Variants in EDEM3 observed in about 807,000 individuals in gnomAD.
EDEM3 encodes ER degradation-enhancing alpha-mannosidase-like protein 3.
In EDEM3, 60 loss-of-function variants were observed where a neutral mutation model predicts 110.2. The observed-to-expected ratio is 0.54, with a 90% CI of 0.44 to 0.67. The LOEUF (loss-of-function observed/expected upper bound fraction) is 0.67, where lower values mean the gene tolerates loss of function less well. Among genes scored for constraint, EDEM3 ranks in the 30% least tolerant of loss-of-function variants. The probability of loss-of-function intolerance (pLI) is 0.00; values close to 1 mark genes in which losing one functional copy is unlikely to be tolerated. For missense variants in EDEM3, 996 were observed against 1,121.0 expected (o/e 0.89, Z 1.59); for synonymous variants, 352 against 382.9 (o/e 0.92, Z 0.94).
chr1:184,737,456 G>A (rs1424850533), intron 3 of EDEM3, among the ~76,000 whole-genome samples, 155 bp downstream of exon 3: 1 of 152,150 alleles, frequency 6.6e-6, no homozygotes, highest in Non-Finnish European at 1.5e-5. Flanking sequence ...TTTTATAAAT[G>A]ATAACAGAAG....
At chr1:184,706,329 G>A (rs979062183) in intron 18 of EDEM3, among the ~76,000 whole-genome samples, 32 of 152,042 alleles carry the variant, frequency 2.1e-4, no homozygotes, top group Non-Finnish European at 2.9e-5. Context: ...CTTGCCCTTC[G>A]GGGGTTATGG....
chr1:184,726,756 G>A (rs1048712833), intron 6 of EDEM3, among the ~76,000 whole-genome samples: 6 of 152,096 alleles, frequency 3.9e-5, no homozygotes, highest in African/African-American at 1.4e-4. Flanking sequence ...ACAAGAATAG[G>A]GAAGTAGACC....
chr1:184,693,172 C>T lies in EDEM3; in HGVS notation c.*891G>A, dbSNP rs894879699. 1.9e-5 allele frequency: 3 copies of T among 155,002 alleles called. No individual in the cohort carries two copies. The highest frequency in any genetic ancestry group is 4.8e-5 in the African/African-American group (2 of 41,482). The allele number at this position is 155,002 out of a possible 1,614,324, so 9.6% of individuals were successfully genotyped here. A position where few individuals can be genotyped will look rare whatever the true frequency, so the allele number is the denominator to read the frequency against. The stretch of plus-strand genomic sequence containing the variant: ...TAAGGCTGATGGCTAGAGGTAATCA[C>T]CTCTAAGAGAAATGAACTGGAAATG... On this transcript the variant is annotated 3_prime_UTR_variant, in exon 20 of 20. Transcript: ENST00000318130.
chr1:184,696,440 T>C (rs1649333425), intron 19 of EDEM3, among the ~76,000 whole-genome samples: 1 of 151,928 alleles, frequency 6.6e-6, no homozygotes, highest in South Asian at 2.1e-4. Flanking sequence ...GTTTTTGTTT[T>C]TTTTTAACCC....
At chr1:184,697,999 A>G (rs1649417950) in intron 19 of EDEM3, among the ~76,000 whole-genome samples, 1 of 145,238 alleles carries the variant, frequency 6.9e-6, no homozygotes, top group Non-Finnish European at 1.5e-5. Flanking sequence ...GCGCACACAC[A>G]CAAACAGAGA....
chr1:184,718,901 G>T (rs900294765), intron 11 of EDEM3, among the ~76,000 whole-genome samples: 1 of 151,938 alleles, frequency 6.6e-6, no homozygotes, highest in Non-Finnish European at 1.5e-5. Flanking sequence ...ACTAAGCTGG[G>T]AATTTTTTTA....
chr1:184,712,658 A>G (rs1650319371), intron 13 of EDEM3, 60 bp from the exon 14 acceptor site: 1 of 1,180,326 alleles, frequency 8.5e-7, no homozygotes, highest in Non-Finnish European at 1.2e-6. Context: ...TGCCAACTAT[A>G]TGAAAGCCAT....
At chr1:184,744,480 T>A (rs939862576) in intron 2 of EDEM3, among the ~76,000 whole-genome samples, 2 of 151,550 alleles carry the variant, frequency 1.3e-5, no homozygotes, top group African/African-American at 4.8e-5. Flanking sequence ...ATGCAAAATA[T>A]TATAGCCATT....
Position 184,726,408 on chromosome 1 carries a change from T to C in EDEM3, c.613-19A>G, listed in dbSNP as rs367641506. ...AATTAATCTGAATACAATTAGAAAA[T>C]TGTCATTAGCAGTTATCAAGACAAT... On this transcript the variant is annotated intron_variant, in intron 6 of 19. Coordinates refer to ENST00000318130, the MANE Select transcript of EDEM3 (RefSeq NM_025191.4). 47 of 1,610,104 alleles carry C rather than the reference T, an allele frequency of 2.9e-5. No homozygotes were observed. The highest frequency in any genetic ancestry group is 9.3e-5 in the African/African-American group (7 of 74,912).
rs568813575 is a variant in EDEM3 at position 184,699,383 on chromosome 1, G to A, written c.2389+3428C>T. On this transcript the variant is annotated intron_variant, in intron 19 of 19. Coordinates refer to ENST00000318130, the MANE Select transcript of EDEM3 (RefSeq NM_025191.4). ...CAAAGAGGAAAAGGGCCATGGGAGA[G>A]GAAAAGGGATTGATAGGGAACTTCC... is the stretch of plus-strand genomic sequence containing the variant. Among the ~76,000 whole-genome samples the A allele has an allele frequency of 5.9e-5, 9 of 151,958 alleles. No homozygotes were observed. The South Asian group carries it at 1.2e-3, about 21-fold the overall frequency.
chr1:184,753,495 G>A (rs978373686), intron 1 of EDEM3, among the ~76,000 whole-genome samples: 2 of 151,120 alleles, frequency 1.3e-5, no homozygotes. Flanking sequence ...ATTTTCTTAG[G>A]GTAGATTCTC....
chr1:184,700,256 C>T (rs1296920264), intron 19 of EDEM3, among the ~76,000 whole-genome samples: 6 of 151,848 alleles, frequency 4.0e-5, no homozygotes, highest in Admixed American at 3.9e-4. Context: ...GGAGTGAAGG[C>T]TTTTTAAGGG....
At chr1:184,750,057 A>G (rs574122705) in intron 1 of EDEM3, among the ~76,000 whole-genome samples, 2 of 152,352 alleles carry the variant, frequency 1.3e-5, no homozygotes, top group South Asian at 4.1e-4. Context: ...GTGTAGTGAC[A>G]TGAAATAACA....
chr1:184,703,949 G>C (rs945151065), intron 18 of EDEM3, among the ~76,000 whole-genome samples: 2 of 152,190 alleles, frequency 1.3e-5, no homozygotes, highest in African/African-American at 4.8e-5. Flanking sequence ...GAGAAGGCTG[G>C]TGAGAAGCTG....
Position 184,706,706 on chromosome 1 carries a change from A to G in EDEM3, c.2140T>C (p.Cys714Arg), listed in dbSNP as rs762320203. The G allele has an allele frequency of 1.2e-6, 2 of 1,613,908 alleles. No homozygotes were observed. The highest frequency in any genetic ancestry group is 1.7e-6 in the Non-Finnish European group (2 of 1,179,868). ...GKIALIQRGQCMFAEKARNIQ... is the reference protein window; with the variant it reads ...GKIALIQRGQRMFAEKARNIQ... ...TTGCGTGCCTTTTCTGCAAACATGC[A>G]CTGTCCTCTTTGTATCAGTGCGATT... Residue 714 changes from cysteine (C) to arginine (R), a missense_variant, in exon 18 of 20, where the codon TGC becomes CGC. Physicochemically the swap from Cys to Arg is radical, Grantham distance 180. Around this residue, in one of 5 missense-constraint regions of EDEM3, gnomAD observed 345 missense variants for 402.0 expected, o/e 0.86. Coordinates refer to ENST00000318130, the MANE Select transcript of EDEM3 (RefSeq NM_025191.4).
At chr1:184,749,758 T>C (rs746534194) in intron 1 of EDEM3, among the ~76,000 whole-genome samples, 166 bp from the exon 2 acceptor site, 2 of 152,060 alleles carry the variant, frequency 1.3e-5, no homozygotes, top group African/African-American at 2.4e-5. Flanking sequence ...CTACAACAGC[T>C]AGCAGACAAG....
intron 19 of EDEM3, among the ~76,000 whole-genome samples, chr1:184,698,466 T>C (rs999007983): frequency 1.3e-5 from 2 of 151,830 alleles, no homozygotes; most frequent in Admixed American, 1.3e-4. Context: ...AGTTATGCTA[T>C]CCTACTAACT....
At chr1:184,705,824 G>C (rs947592688) in intron 18 of EDEM3, among the ~76,000 whole-genome samples, 7 of 152,058 alleles carry the variant, frequency 4.6e-5, no homozygotes, top group African/African-American at 1.7e-4. Flanking sequence ...CTTTAAAACA[G>C]AAAAATTTAT....
chr1:184,703,366 C>G (rs1365598277), intron 18 of EDEM3, among the ~76,000 whole-genome samples: 1 of 151,914 alleles, frequency 6.6e-6, no homozygotes, highest in Non-Finnish European at 1.5e-5. Flanking sequence ...ATGGAAAAGC[C>G]TAGAAAGGAA....
Sources: allele counts gnomAD v4.1 joint callset (sites outside exome capture counted in the v4.1 genomes callset), GRCh38; gene constraint gnomAD v4.1.1; regional missense constraint gnomAD v4.1.1; transcripts MANE v1.5; gene names NCBI Gene and HGNC (gene_info 2026-07-23, HGNC 2026-07-21).